CELSR1: variants seen among roughly 807,000 people sequenced by gnomAD.
CELSR1 encodes adhesion G protein-coupled receptor C1.
A neutral mutation model predicts 249.1 loss-of-function variants in CELSR1; 110 were observed. That is an observed-to-expected ratio of 0.44 (90% confidence interval 0.38 to 0.52). The LOEUF is 0.52. CELSR1 is among the 20% of genes least tolerant of loss of function. The pLI, the probability that CELSR1 is intolerant of heterozygous loss-of-function variation, is 0.00. For missense variants in CELSR1, 4,109 were observed against 4,296.4 expected, an observed-to-expected ratio of 0.96 and a Z score of 1.22; for synonymous variants, 2,113 against 1,900.0, an observed-to-expected ratio of 1.11 and a Z score of -2.92.
chr22:46,404,616 G>A (rs185208237), intron 9 of CELSR1, among the ~76,000 whole-genome samples: 2 of 151,754 alleles, frequency 1.3e-5, no homozygotes, highest in Non-Finnish European at 2.9e-5. Context: ...TGGGGGAGGG[G>A]GGCACACACA....
At chr22:46,492,632 T>C (rs1429846143) in intron 1 of CELSR1, among the ~76,000 whole-genome samples, 1 of 152,052 alleles carries the variant, frequency 6.6e-6, no homozygotes, top group African/African-American at 2.4e-5. Context: ...AAGACTAGCC[T>C]GGCCAACATG....
chr22:46,389,847 A>C (rs1377608443), intron 17 of CELSR1, among the ~76,000 whole-genome samples: 1 of 151,004 alleles, frequency 6.6e-6, no homozygotes, highest in African/African-American at 2.5e-5. Context: ...CCCAACTACC[A>C]GGGAGGCTGA....
At chr22:46,422,780 A>AAAAAAAAAAAAAAAAAAG (rs1337523194) in intron 5 of CELSR1, among the ~76,000 whole-genome samples, 2 of 148,574 alleles carry the variant, frequency 1.3e-5, no homozygotes, top group Non-Finnish European at 1.5e-5. Flanking sequence ...AAAAAAAAAA[A>AAAAAAAAAAAAAAAAAAG]TGGCTCATAG....
chr22:46,375,277 C>T (rs1207387813), intron 24 of CELSR1, among the ~76,000 whole-genome samples: 1 of 152,190 alleles, frequency 6.6e-6, no homozygotes, highest in Admixed American at 6.5e-5. Context: ...GCCACACCTT[C>T]CTTGGCCTCT....
In CELSR1 at chr22:46,363,437, A is replaced by C. The variant is rs2078728192; in HGVS notation, c.9036-190T>G. The C allele has an allele frequency of 1.8e-6, 1 of 563,678 alleles. No individual in the cohort carries two copies. The highest frequency in any genetic ancestry group is 3.0e-5 in the Admixed American group (1 of 33,008). The allele number at this position is 563,678 out of a possible 1,614,324, so 34.9% of individuals were successfully genotyped here. ...GGAGGCAGGAGAGGGGACCAGGACCAGCCTGTGGGCCTCTGTGTTGCTGGT... is the reference window on the plus strand; with the variant it reads ...GGAGGCAGGAGAGGGGACCAGGACCCGCCTGTGGGCCTCTGTGTTGCTGGT... On this transcript the variant is annotated intron_variant, in intron 34 of 34. Transcript: ENST00000674500. The surrounding 1 kb of genome is among the most constrained non-coding windows in gnomAD (Gnocchi z 4.3).
In CELSR1 at chr22:46,408,567, T is replaced by G. The variant is rs2079292981; in HGVS notation, c.5226+429A>C. 6.6e-6 allele frequency among the ~76,000 whole-genome samples: 1 copy of G among 152,186 alleles called. No homozygotes were observed. The highest frequency in any genetic ancestry group is 2.1e-4 in the South Asian group (1 of 4,826). ...CCAGGCTGGTCTCGAACTTCTGACC[T>G]CAGGTGATCCGCCGGCCTCCGCCAC... is the stretch of plus-strand genomic sequence containing the variant. On this transcript the variant is annotated intron_variant, in intron 9 of 34. Coordinates refer to ENST00000674500, the MANE Select transcript of CELSR1 (RefSeq NM_001378328.1). The surrounding 1 kb of genome is among the most constrained non-coding windows in gnomAD (Gnocchi z 4.6).
At chr22:46,375,222 C>T (rs930848368) in intron 24 of CELSR1, among the ~76,000 whole-genome samples, 5 of 152,170 alleles carry the variant, frequency 3.3e-5, no homozygotes, top group African/African-American at 1.2e-4. Context: ...GCCCCACAGA[C>T]ACCGTCTCCA....
In CELSR1 at chr22:46,410,629, G is replaced by T; in HGVS notation, c.4770-68C>A. The T allele has an allele frequency of 6.5e-7, 1 of 1,542,642 alleles. No homozygotes were observed. Among genetic ancestry groups the T allele is most frequent in the South Asian group, 1.1e-5 (1 of 88,100 alleles). On this transcript the variant is annotated intron_variant, in intron 6 of 34. Transcript: ENST00000674500. The surrounding 1 kb of genome is among the most constrained non-coding windows in gnomAD (Gnocchi z 6.8). ...AGGCGGCCACGGCGGGCTGGGCTCC[G>T]CAGTTGCCTCTGTGTAGCCTCTACC...
In CELSR1 at chr22:46,367,050, G is replaced by A. The variant is rs368172865; in HGVS notation, c.8148C>T (p.Leu2716=). ...QEVRKHLKGV[L]GGRKLHLEDS... ...CCTCCAGGTGCAGCTTCCTCCCGCC[G>A]AGCACGCCCTTCAGGTGCTTCCGGA... Residue 2716 remains leucine, a synonymous_variant, in exon 29 of 35, where the codon CTC becomes CTT. Coordinates refer to ENST00000674500, the MANE Select transcript of CELSR1 (RefSeq NM_001378328.1). 1.1e-4 allele frequency: 177 copies of A among 1,611,188 alleles called. No individual in the cohort carries two copies. The highest frequency in any genetic ancestry group is 1.5e-4 in the African/African-American group (11 of 75,016).
intron 1 of CELSR1, among the ~76,000 whole-genome samples, chr22:46,521,397 C>A: frequency 6.6e-6 from 1 of 151,746 alleles, no homozygotes; most frequent in East Asian, 1.9e-4. Flanking sequence ...CCCAGCTACT[C>A]GGGAGGCTGA....
At chr22:46,368,468 C>G (rs1452654227) in intron 27 of CELSR1, among the ~76,000 whole-genome samples, 2 of 151,952 alleles carry the variant, frequency 1.3e-5, no homozygotes, top group African/African-American at 4.8e-5. Flanking sequence ...TGCCCTACCC[C>G]CCTTCAGACT....
At chr22:46,385,831 C>A (rs1314242187) in intron 19 of CELSR1, among the ~76,000 whole-genome samples, 2 of 152,080 alleles carry the variant, frequency 1.3e-5, no homozygotes, top group East Asian at 3.9e-4. Context: ...ACGCCCACCA[C>A]CACGACCGGC....
At chr22:46,420,316 A>G (rs949784958) in intron 5 of CELSR1, among the ~76,000 whole-genome samples, 1 of 120,550 alleles carries the variant, frequency 8.3e-6, no homozygotes, top group African/African-American at 4.6e-5. Flanking sequence ...GCACTCACGT[A>G]TGCACTCACC....
At chr22:46,455,646 A>G (rs2079939743) in intron 2 of CELSR1, among the ~76,000 whole-genome samples, 2 of 152,142 alleles carry the variant, frequency 1.3e-5, no homozygotes. Flanking sequence ...GTTTGTGCCG[A>G]TCGGTTACAG....
At chr22:46,371,127 C>A (rs928963634) in intron 25 of CELSR1, among the ~76,000 whole-genome samples, 1 of 152,226 alleles carries the variant, frequency 6.6e-6, no homozygotes, top group African/African-American at 2.4e-5. Context: ...TGCCACCCCG[C>A]CCAACCTGCC....
intron 1 of CELSR1, among the ~76,000 whole-genome samples, chr22:46,493,071 C>T (rs1459538218): frequency 6.6e-6 from 1 of 151,786 alleles, no homozygotes; most frequent in African/African-American, 2.4e-5. Flanking sequence ...TAGCCAGATC[C>T]TATCTCTACA....
Position 46,535,679 on chromosome 22 carries a change from T to A in CELSR1, c.1492A>T (p.Ile498Phe), listed in dbSNP as rs1332735454. The A allele has an allele frequency of 6.2e-7, 1 of 1,613,124 alleles. No individual in the cohort carries two copies. Among genetic ancestry groups the A allele is most frequent in the Admixed American group, 1.7e-5 (1 of 60,028 alleles). Residue 498 changes from isoleucine (I) to phenylalanine (F), a missense_variant, in exon 1 of 35, where the codon ATC (isoleucine) becomes TTC (phenylalanine). This residue lies in a region of CELSR1 where 135 missense variants were observed against 190.0 expected (regional missense o/e 0.71). Transcript: ENST00000674500. ...QGQNAAIHYS[I>F]LSGNVAGQFY... ...TGGCCGGCCACGTTCCCGCTGAGGA[T>A]GCTGTAGTGAATGGCCGCGTTCTGG...
At chr22:46,502,505 G>A (rs534151633) in intron 1 of CELSR1, among the ~76,000 whole-genome samples, 130 of 139,426 alleles carry the variant, frequency 9.3e-4, no homozygotes, top group Non-Finnish European at 6.2e-4. Flanking sequence ...AAAGAGGAGG[G>A]AAGAGAGGGA....
chr22:46,492,114 G>A (rs1250381852), intron 1 of CELSR1, among the ~76,000 whole-genome samples: 1 of 152,228 alleles, frequency 6.6e-6, no homozygotes, highest in African/African-American at 2.4e-5. Flanking sequence ...TGCAATGGCA[G>A]AAGCAGGACG....
Sources: allele counts gnomAD v4.1 joint callset (sites outside exome capture counted in the v4.1 genomes callset), GRCh38; gene constraint gnomAD v4.1.1; regional missense constraint gnomAD v4.1.1; non-coding constraint Gnocchi (gnomAD v3.1); transcripts MANE v1.5; gene names NCBI Gene and HGNC (gene_info 2026-07-23, HGNC 2026-07-21).